The following UNKL variants were observed in gnomAD, a reference collection of about 807,000 sequenced individuals.
UNKL encodes unk like zinc finger, also known as putative E3 ubiquitin-protein ligase UNKL.
In UNKL, 60 loss-of-function variants were observed where a neutral mutation model predicts 78.0. The observed-to-expected ratio is 0.77, with a 90% confidence interval of 0.63 to 0.95. The LOEUF (loss-of-function observed/expected upper bound fraction) is 0.95, where lower values mean the gene tolerates loss of function less well. Among genes scored for constraint, UNKL ranks in the 40% least tolerant of loss-of-function variants. UNKL has a pLI of 0.00. For missense variants in UNKL, 1,159 were observed against 1,045.7 expected (o/e 1.11, Z -1.49); for synonymous variants, 608 against 474.8 (o/e 1.28, Z -3.65).
chr16:1,367,680 C>T lies in UNKL; in HGVS notation c.1764G>A (p.Glu588=). The change falls in exon 13 of 15, where the codon GAG becomes GAA. Residue 588 remains glutamate, a synonymous_variant. Coordinates refer to ENST00000389221, the MANE Select transcript of UNKL (RefSeq NM_001372107.1). ...CCTGCTTCACCTGCTGCCAGGACTC[C>T]TCCCACTGCCGGATCTTCCTCTTGG... The part of the protein sequence containing the change: ...DEAKRKIRQW[E]ESWQQVKQVC... 6.3e-7 allele frequency: 1 copy of T among 1,577,628 alleles called. No homozygotes were observed. The highest frequency in any genetic ancestry group is 8.6e-7 in the Non-Finnish European group (1 of 1,162,890).
At chr16:1,390,005 G>T (rs1470586905) in intron 9 of UNKL, among the ~76,000 whole-genome samples, 1 of 152,054 alleles carries the variant, frequency 6.6e-6, no homozygotes, top group Non-Finnish European at 1.5e-5. Context: ...CATTCATTCA[G>T]AGACAGAGTC....
intron 10 of UNKL, among the ~76,000 whole-genome samples, chr16:1,375,783 G>A (rs566588437): frequency 7.2e-5 from 11 of 152,246 alleles, no homozygotes; most frequent in Admixed American, 3.9e-4. Context: ...TGGGCCAGCC[G>A]CACCCAGAGC....
chr16:1,369,069 T>TTG (rs2035560208), intron 12 of UNKL, among the ~76,000 whole-genome samples: 1 of 129,322 alleles, frequency 7.7e-6, no homozygotes, highest in Non-Finnish European at 1.6e-5. Context: ...TTTTTTTTTT[T>TTG]TTTTTTTTTT....
At chr16:1,411,337 G>A (rs748357410) in intron 2 of UNKL, among the ~76,000 whole-genome samples, 88 of 149,856 alleles carry the variant, frequency 5.9e-4, no homozygotes, top group Non-Finnish European at 1.3e-3. Flanking sequence ...GGCAACCAGA[G>A]TGAGACTCGG....
At chr16:1,412,869 C>A (rs550632097) in intron 2 of UNKL, among the ~76,000 whole-genome samples, 10 of 152,150 alleles carry the variant, frequency 6.6e-5, no homozygotes, top group Non-Finnish European at 1.2e-4. Context: ...CCAGACCAGG[C>A]TACAGCAAGA....
intron 5 of UNKL, chr16:1,398,698 TCAG>T: frequency 3.8e-6 from 1 of 262,254 alleles, no homozygotes; most frequent in South Asian, 4.1e-5. Flanking sequence ...CACCCCCCTC[TCAG>T]GTGCAAACTG....
Position 1,403,179 on chromosome 16 carries a change from C to T in UNKL, c.453G>A (p.Val151=), listed in dbSNP as rs113871009. The part of the protein sequence containing the change: ...AHGPLDLRPP[V]CDVRELQAQE... ...GGATGCCCACTCACCTGACGTCACA[C>T]ACGGGCGGCCGCAGGTCCAGGGGGC... Residue 151 remains valine (V), a synonymous_variant, in exon 3 of 15, where the codon GTG becomes GTA. Transcript: ENST00000389221. This position sits in a 1 kb window ranked among gnomAD's most constrained non-coding sequence, Gnocchi z 4.8. 2.5e-5 allele frequency: 40 copies of T among 1,611,968 alleles called. 4 individuals carry two copies. Among genetic ancestry groups the T allele is most frequent in the African/African-American group, 2.0e-4 (15 of 75,024 alleles).
chr16:1,366,335 C>T lies in UNKL; in HGVS notation c.2107G>A (p.Val703Ile), dbSNP rs1165265745. ...VACRERAHGA[V>I]LRPCQHHILC... ...ATGTGGTGCTGACAGGGCCGCAGGA[C>T]AGCACCGTGGGCCCGCTCCCGGCAG... The change falls in exon 15 of 15, where the codon GTC becomes ATC. Residue 703 changes from valine (V) to isoleucine (I), a missense_variant. Val to Ile is a conservative substitution (Grantham distance 29, BLOSUM62 3). Transcript: ENST00000389221. 12 of 1,604,228 alleles carry T rather than the reference C, an allele frequency of 7.5e-6. No individual in the cohort carries two copies. Among genetic ancestry groups the T allele is most frequent in the South Asian group, 4.5e-5 (4 of 89,632 alleles).
intron 6 of UNKL, among the ~76,000 whole-genome samples, chr16:1,396,062 C>A (rs968490148): frequency 6.6e-6 from 1 of 152,020 alleles, no homozygotes; most frequent in Non-Finnish European, 1.5e-5. Context: ...CGCGCCTCAG[C>A]CTCCAAGTAG....
intron 2 of UNKL, among the ~76,000 whole-genome samples, chr16:1,411,430 G>T (rs1051637270): frequency 1.3e-5 from 2 of 152,160 alleles, no homozygotes; most frequent in Admixed American, 6.5e-5. Flanking sequence ...TGCTCAGGAG[G>T]CTGAGGCAGG....
At chr16:1,374,331 G>A (rs1322792727) in intron 10 of UNKL, among the ~76,000 whole-genome samples, 3 of 152,182 alleles carry the variant, frequency 2.0e-5, no homozygotes, top group African/African-American at 4.8e-5. Context: ...GCAAGTTCTT[G>A]GACCCTCACT....
At chr16:1,398,681 A>AT in intron 5 of UNKL, 2 of 694,534 alleles carry the variant, frequency 2.9e-6, no homozygotes, top group Middle Eastern at 6.3e-4. Context: ...TGGGGTCTGC[A>AT]CCCCCCCACC....
intron 1 of UNKL, 95 bp downstream of exon 1, chr16:1,414,520 G>A (rs1283454474): frequency 3.5e-6 from 1 of 282,662 alleles, no homozygotes; most frequent in South Asian, 1.2e-4. Context: ...GGAGGCCGGG[G>A]GGCGCGGGGG....
intron 6 of UNKL, among the ~76,000 whole-genome samples, chr16:1,396,428 A>G (rs2092390): frequency 0.93 from 139,896 of 150,982 alleles, 64,834 homozygotes; most frequent in East Asian, 1. Context: ...CTAGGACTAC[A>G]GGCGCGCACC....
At chr16:1,372,164 T>C (rs897675567) in intron 10 of UNKL, among the ~76,000 whole-genome samples, 2 of 151,478 alleles carry the variant, frequency 1.3e-5, no homozygotes, top group Non-Finnish European at 2.9e-5. Context: ...CTCGGGAGGC[T>C]GAGGCGGAAG....
intron 2 of UNKL, chr16:1,408,322 C>G (rs1428206706): frequency 6.6e-6 from 1 of 152,090 alleles, no homozygotes; most frequent in Non-Finnish European, 1.5e-5. Flanking sequence ...TGACCCGGGA[C>G]AGCCAATCGC....
intron 8 of UNKL, 100 bp downstream of exon 8, chr16:1,392,791 C>T (rs2037101902): frequency 2.2e-6 from 3 of 1,389,114 alleles, no homozygotes; most frequent in Middle Eastern, 1.8e-4. Flanking sequence ...CACAGACTGC[C>T]CACGACCACA....
chr16:1,410,356 C>T lies in UNKL; in HGVS notation c.287+3490G>A, dbSNP rs539043754. Among the ~76,000 whole-genome samples the T allele has an allele frequency of 3.0e-4, 46 of 152,214 alleles. No homozygotes were observed. The East Asian group carries it at 8.7e-3, about 29-fold the overall frequency. On this transcript the variant is annotated intron_variant, in intron 2 of 14. Coordinates refer to ENST00000389221, the MANE Select transcript of UNKL (RefSeq NM_001372107.1). The stretch of plus-strand genomic sequence containing the variant: ...GGCACGGTGGCCCATGCCTGTAATC[C>T]CAGCACTTTGGGAGGCCGAGGCGGG...
intron 12 of UNKL, among the ~76,000 whole-genome samples, chr16:1,369,371 T>A (rs1393082015): frequency 2.0e-5 from 3 of 150,474 alleles, no homozygotes; most frequent in African/African-American, 7.3e-5. Flanking sequence ...CGGGCCTTTT[T>A]CTCTTTTTTT....
Sources: allele counts gnomAD v4.1 joint callset (sites outside exome capture counted in the v4.1 genomes callset), GRCh38; gene constraint gnomAD v4.1.1; non-coding constraint Gnocchi (gnomAD v3.1); transcripts MANE v1.5; gene names NCBI Gene and HGNC (gene_info 2026-07-23, HGNC 2026-07-21).